RPS6KA5: variants seen among roughly 807,000 people sequenced by gnomAD.
The protein encoded by RPS6KA5 is ribosomal protein S6 kinase A5.
Under a neutral mutation model 85.5 loss-of-function variants are expected in RPS6KA5, and 27 were observed. The observed-to-expected ratio is 0.32, with a 90% confidence interval of 0.23 to 0.44. The LOEUF (loss-of-function observed/expected upper bound fraction) is 0.44. Ranked by LOEUF, RPS6KA5 falls within the 20% of genes least tolerant of loss-of-function variation. The pLI, the probability that RPS6KA5 is intolerant of heterozygous loss-of-function variation, is 1.00. For missense variants in RPS6KA5, 811 were observed against 980.9 expected, an observed-to-expected ratio of 0.83 and a Z score of 2.31; for synonymous variants, 334 against 348.2, an observed-to-expected ratio of 0.96 and a Z score of 0.46.
intron 1 of RPS6KA5, among the ~76,000 whole-genome samples, chr14:91,029,217 A>C (rs1402151964): frequency 6.6e-6 from 1 of 152,216 alleles, no homozygotes; most frequent in African/African-American, 2.4e-5. Context: ...ATATAAATTC[A>C]ATGTTACTTT....
At chr14:90,962,818 T>C (rs1566798468) in intron 3 of RPS6KA5, among the ~76,000 whole-genome samples, 1 of 152,216 alleles carries the variant, frequency 6.6e-6, no homozygotes, top group African/African-American at 2.4e-5. Context: ...TCTGTTTTCA[T>C]ATATGTGCAT....
chr14:90,936,832 C>T (rs1566763213), intron 5 of RPS6KA5, among the ~76,000 whole-genome samples: 1 of 151,918 alleles, frequency 6.6e-6, no homozygotes, highest in Non-Finnish European at 1.5e-5. Flanking sequence ...CCAAATGAGG[C>T]CAGAATTTAT....
intron 8 of RPS6KA5, among the ~76,000 whole-genome samples, chr14:90,905,040 T>C (rs901506098): frequency 2.0e-5 from 3 of 152,204 alleles, no homozygotes; most frequent in African/African-American, 4.8e-5. Context: ...TGTGAATCTA[T>C]GAAATGCATA....
At chr14:90,964,931 A>C (rs868561126) in intron 3 of RPS6KA5, among the ~76,000 whole-genome samples, 4 of 147,644 alleles carry the variant, frequency 2.7e-5, no homozygotes, top group East Asian at 2.1e-4. Context: ...AAAAAAAAAA[A>C]AAAACCAAAA....
intron 4 of RPS6KA5, among the ~76,000 whole-genome samples, chr14:90,945,748 C>T (rs1417115497): frequency 6.6e-6 from 1 of 152,174 alleles, no homozygotes; most frequent in Non-Finnish European, 1.5e-5. Context: ...AGCACAGTGG[C>T]TCATGCCTGT....
At chr14:90,897,168 C>T (rs1470331081) in intron 12 of RPS6KA5, among the ~76,000 whole-genome samples, 2 of 152,166 alleles carry the variant, frequency 1.3e-5, no homozygotes, top group Admixed American at 6.5e-5. Flanking sequence ...AGAGTTTGTA[C>T]TCCAGTGAGA....
intron 1 of RPS6KA5, among the ~76,000 whole-genome samples, chr14:91,009,544 T>C (rs1296198593): frequency 6.6e-6 from 1 of 152,156 alleles, no homozygotes; most frequent in Non-Finnish European, 1.5e-5. Context: ...TGCCTGGCCA[T>C]GTCTAAGGTA....
chr14:91,059,735 T>A lies in RPS6KA5; in HGVS notation c.103+597A>T, dbSNP rs1325516107. On this transcript the variant is annotated intron_variant, in intron 1 of 16. Coordinates refer to ENST00000614987, the MANE Select transcript of RPS6KA5 (RefSeq NM_004755.4). ...AGGAAATTCAAGGCCAAGTATAGTA[T>A]TTCATGATAAGTGAGAATAAAGGCA... is the stretch of plus-strand genomic sequence containing the variant. Among the ~76,000 whole-genome samples the A allele has an allele frequency of 2.6e-5, 4 of 152,354 alleles. No homozygotes were observed. In the East Asian group the frequency reaches 7.7e-4, roughly 29 times the overall value.
rs765578032 is a variant in RPS6KA5, at chr14:90,872,224, G to A, written c.2259C>T (p.Thr753=). 78 of 1,613,974 alleles carry A rather than the reference G, an allele frequency of 4.8e-5. 1 individual carries two copies. The Admixed American group carries it at 4.8e-4, about 10-fold the overall frequency. The change falls in exon 17 of 17, where the codon ACC becomes ACT. Residue 753 remains threonine, a synonymous_variant. Transcript: ENST00000614987. ...RRKMKKTSTS[T]ETRSSSSESS... ...TCTCACTGGAACTGCTGCGCGTCTC[G>A]GTACTGGTGCTAGTCTTTTTCATTT...
chr14:91,004,949 G>A (rs1323300132), intron 1 of RPS6KA5, among the ~76,000 whole-genome samples: 2 of 149,180 alleles, frequency 1.3e-5, no homozygotes, highest in Admixed American at 6.7e-5. Flanking sequence ...CAGCTTGGGC[G>A]ACAAAGTGAG....
At chr14:90,906,090 G>T in intron 8 of RPS6KA5, 59 bp downstream of exon 8, 1 of 1,466,866 alleles carries the variant, frequency 6.8e-7, no homozygotes, top group Non-Finnish European at 9.2e-7. Flanking sequence ...CACCAAGAAC[G>T]CCAAGGACCC....
At chr14:90,938,513 C>T (rs1311493741) in intron 5 of RPS6KA5, among the ~76,000 whole-genome samples, 1 of 152,258 alleles carries the variant, frequency 6.6e-6, no homozygotes, top group Non-Finnish European at 1.5e-5. Context: ...ACTGCCCTAG[C>T]AGAGGTTCTC....
intron 7 of RPS6KA5, among the ~76,000 whole-genome samples, chr14:90,918,721 C>T (rs2036248411): frequency 6.6e-6 from 1 of 152,226 alleles, no homozygotes; most frequent in East Asian, 1.9e-4. Flanking sequence ...TTGAAGTTCA[C>T]TTTTTTCCAT....
intron 5 of RPS6KA5, among the ~76,000 whole-genome samples, chr14:90,938,912 C>A (rs1267546213): frequency 6.6e-6 from 1 of 152,210 alleles, no homozygotes; most frequent in Non-Finnish European, 1.5e-5. Context: ...TGATTAACAT[C>A]CAGCTCCTTC....
Position 91,060,452 on chromosome 14 carries a change from A to G in RPS6KA5, c.-18T>C. The G allele has an allele frequency of 7.0e-7, 1 of 1,435,146 alleles. No homozygotes were observed. Among genetic ancestry groups the G allele is most frequent in the African/African-American group, 1.5e-5 (1 of 68,064 alleles). The allele number at this position is 1,435,146 out of a possible 1,614,324, so 88.9% of individuals were successfully genotyped here. On this transcript the variant is annotated 5_prime_UTR_variant, in exon 1 of 17. Coordinates refer to ENST00000614987, the MANE Select transcript of RPS6KA5 (RefSeq NM_004755.4). The stretch of plus-strand genomic sequence containing the variant: ...TCCTCCATCTTCTCCTTTTTTTCCG[A>G]TCCCGCGGGTCGCTACGAGGGGAAC...
intron 1 of RPS6KA5, among the ~76,000 whole-genome samples, chr14:91,018,312 C>G (rs748170549): frequency 1.3e-5 from 2 of 152,174 alleles, no homozygotes; most frequent in African/African-American, 4.8e-5. Flanking sequence ...TCTTTGTTCT[C>G]TACTGTGATG....
At chr14:90,881,232 CTTGAGTCCAGGAG>C (rs1566684390) in intron 14 of RPS6KA5, among the ~76,000 whole-genome samples, 3 of 151,554 alleles carry the variant, frequency 2.0e-5, no homozygotes, top group Non-Finnish European at 4.4e-5. Flanking sequence ...AGTCAGATTG[CTTGAGTCCAGGAG>C]TTTGAGACCA....
At chr14:90,947,621 A>T (rs2037941042) in intron 3 of RPS6KA5, 71 bp from the exon 4 acceptor site, 4 of 890,544 alleles carry the variant, frequency 4.5e-6, no homozygotes, top group Non-Finnish European at 7.3e-6. Context: ...CCTTTTAATC[A>T]CTTTGGATTC....
chr14:90,961,519 G>T (rs542757340), intron 3 of RPS6KA5, among the ~76,000 whole-genome samples: 1 of 152,106 alleles, frequency 6.6e-6, no homozygotes, highest in East Asian at 1.9e-4. Context: ...TTGGAAGACA[G>T]CTTCCAAGTA....
Sources: allele counts gnomAD v4.1 joint callset (sites outside exome capture counted in the v4.1 genomes callset), GRCh38; gene constraint gnomAD v4.1.1; transcripts MANE v1.5; gene names NCBI Gene and HGNC (gene_info 2026-07-23, HGNC 2026-07-21).